The following REC114 variants were observed in gnomAD, a reference collection of about 807,000 sequenced individuals.
REC114 encodes REC114 meiotic recombination protein, also known as meiotic recombination protein REC114.
A neutral mutation model predicts 31.3 loss-of-function variants in REC114; 27 were observed. That is an observed-to-expected ratio of 0.86 (90% CI 0.64 to 1.19). REC114 has a LOEUF of 1.19. Ranked by LOEUF, REC114 falls within the 50% of genes most tolerant of loss-of-function variation. The pLI is 0.00. For missense variants in REC114, 344 were observed against 326.9 expected, an observed-to-expected ratio of 1.05 and a Z score of -0.40; for synonymous variants, 134 against 127.7, an observed-to-expected ratio of 1.05 and a Z score of -0.33.
intron 1 of REC114, among the ~76,000 whole-genome samples, chr15:73,452,910 TG>T: frequency 1.3e-5 from 2 of 152,306 alleles, no homozygotes; most frequent in Middle Eastern, 6.8e-3. Context: ...TAAATGGTGT[TG>T]GGAAAACTGG....
At chr15:73,554,832 T>C (rs914277217) in intron 4 of REC114, among the ~76,000 whole-genome samples, 3 of 152,228 alleles carry the variant, frequency 2.0e-5, no homozygotes, top group African/African-American at 7.2e-5. Context: ...GCAGACAATT[T>C]TGGTTGACAT....
chr15:73,555,890 AT>A lies in REC114; in HGVS notation c.547-407del, dbSNP rs762917122. Among the ~76,000 whole-genome samples, 6 of 152,156 alleles carry A rather than the reference AT, an allele frequency of 3.9e-5. No individual in the cohort carries two copies. The East Asian group carries it at 1.2e-3, about 29-fold the overall frequency. The stretch of plus-strand genomic sequence containing the variant: ...ATGAACATGTATTACTTGAGCAATA[AT>A]TTTTAGAGTGTGACAAATCATCAGA... On this transcript the variant is annotated intron_variant, in intron 4 of 5. Transcript: ENST00000331090.
At chr15:73,538,049 GCTGTGGAGCA>G (rs1157529105) in intron 2 of REC114, among the ~76,000 whole-genome samples, 2 of 152,184 alleles carry the variant, frequency 1.3e-5, no homozygotes, top group African/African-American at 4.8e-5. Context: ...GTCATATGTG[GCTGTGGAGCA>G]CTTGAAATGT....
chr15:73,547,076 G>GTT (rs1426311574), intron 3 of REC114, among the ~76,000 whole-genome samples: 1 of 152,046 alleles, frequency 6.6e-6, no homozygotes, highest in Non-Finnish European at 1.5e-5. Context: ...ATCACTTTAA[G>GTT]TTAAAAAGCT....
chr15:73,540,169 A>G (rs1894219050), intron 2 of REC114, among the ~76,000 whole-genome samples: 1 of 152,176 alleles, frequency 6.6e-6, no homozygotes, highest in Admixed American at 6.5e-5. Flanking sequence ...ATTTTGGCAA[A>G]TCCTAGAGGC....
chr15:73,477,878 A>C (rs992982523), intron 2 of REC114, among the ~76,000 whole-genome samples: 5 of 152,150 alleles, frequency 3.3e-5, no homozygotes, highest in African/African-American at 4.8e-5. Context: ...GTATTGATAA[A>C]AATTACTATA....
At chr15:73,490,266 C>CT (rs1446228204) in intron 2 of REC114, among the ~76,000 whole-genome samples, 2 of 152,122 alleles carry the variant, frequency 1.3e-5, no homozygotes, top group Non-Finnish European at 2.9e-5. Flanking sequence ...TTCACATTTT[C>CT]TGTTGGGATA....
At chr15:73,506,288 A>G (rs1190804539) in intron 2 of REC114, among the ~76,000 whole-genome samples, 6 of 152,128 alleles carry the variant, frequency 3.9e-5, no homozygotes, top group East Asian at 1.9e-4. Context: ...TGACCCTTCA[A>G]TTTTTTAAAA....
chr15:73,505,838 TCTC>T (rs1303806275), intron 2 of REC114, among the ~76,000 whole-genome samples: 1 of 152,186 alleles, frequency 6.6e-6, no homozygotes, highest in Non-Finnish European at 1.5e-5. Context: ...GGCCTGCACT[TCTC>T]CTTCTTACCC....
chr15:73,473,304 G>A (rs560459681), intron 1 of REC114, among the ~76,000 whole-genome samples: 9 of 151,912 alleles, frequency 5.9e-5, no homozygotes, highest in Non-Finnish European at 1.2e-4. Flanking sequence ...CAGGAGAATC[G>A]CTTGAACACA....
chr15:73,557,735 C>T (rs1033882864), intron 5 of REC114, among the ~76,000 whole-genome samples: 2 of 152,086 alleles, frequency 1.3e-5, no homozygotes, highest in African/African-American at 2.4e-5. Context: ...CATACCTTTG[C>T]CCAGTTTATT....
At chr15:73,512,089 G>C (rs1212894563) in intron 2 of REC114, among the ~76,000 whole-genome samples, 1 of 139,984 alleles carries the variant, frequency 7.1e-6, no homozygotes, top group East Asian at 2.0e-4. Flanking sequence ...AAGTCTCTTT[G>C]TAGGTCACTC....
intron 3 of REC114, among the ~76,000 whole-genome samples, chr15:73,545,601 G>T (rs1894297345): frequency 1.3e-5 from 2 of 152,028 alleles, no homozygotes; most frequent in Admixed American, 1.3e-4. Flanking sequence ...AGCAAACATG[G>T]AACAAGACTT....
intron 1 of REC114, among the ~76,000 whole-genome samples, chr15:73,467,358 A>C (rs968312024): frequency 3.3e-5 from 5 of 152,338 alleles, no homozygotes; most frequent in African/African-American, 1.2e-4. Flanking sequence ...CTTTATTGCC[A>C]GCACCTGCAG....
At chr15:73,534,742 A>T (rs1894131940) in intron 2 of REC114, among the ~76,000 whole-genome samples, 1 of 152,066 alleles carries the variant, frequency 6.6e-6, no homozygotes, top group Non-Finnish European at 1.5e-5. Context: ...AGAATTTTAG[A>T]CCAATATCTT....
At chr15:73,547,846 C>G (rs1416641951) in intron 3 of REC114, among the ~76,000 whole-genome samples, 3 of 152,116 alleles carry the variant, frequency 2.0e-5, no homozygotes, top group African/African-American at 4.8e-5. Context: ...TAGGCAGTAC[C>G]ATCCAGGACA....
intron 2 of REC114, among the ~76,000 whole-genome samples, chr15:73,480,700 T>C (rs971924839): frequency 2.0e-5 from 3 of 152,148 alleles, no homozygotes; most frequent in Non-Finnish European, 4.4e-5. Context: ...TTTTTTGAGA[T>C]GGAGTCTCAC....
At chr15:73,517,653 C>A (rs1439419456) in intron 2 of REC114, among the ~76,000 whole-genome samples, 4 of 152,174 alleles carry the variant, frequency 2.6e-5, no homozygotes, top group African/African-American at 9.7e-5. Flanking sequence ...TGATGACCAC[C>A]GCCCTGGTGT....
intron 2 of REC114, among the ~76,000 whole-genome samples, chr15:73,479,766 T>C (rs1449672398): frequency 6.6e-6 from 1 of 152,196 alleles, no homozygotes; most frequent in Non-Finnish European, 1.5e-5. Flanking sequence ...ATGCCTTCTT[T>C]TTTAAGGCTG....
Sources: allele counts gnomAD v4.1 joint callset (sites outside exome capture counted in the v4.1 genomes callset), GRCh38; gene constraint gnomAD v4.1.1; transcripts MANE v1.5; gene names NCBI Gene and HGNC (gene_info 2026-07-23, HGNC 2026-07-21).